VTI1A: variants seen among roughly 807,000 people sequenced by gnomAD.
The protein encoded by VTI1A is vesicle transport through interaction with t-SNAREs homolog 1A.
A neutral mutation model predicts 34.9 loss-of-function variants in VTI1A; 22 were observed. The observed-to-expected ratio is 0.63, with a 90% confidence interval of 0.45 to 0.90. The LOEUF (loss-of-function observed/expected upper bound fraction) is 0.90. Among genes scored for constraint, VTI1A ranks in the 40% least tolerant of loss-of-function variants. The probability of loss-of-function intolerance (pLI) is 0.00; values close to 1 mark genes in which losing one functional copy is unlikely to be tolerated. For synonymous variants in VTI1A, 87 were observed against 97.3 expected, an observed-to-expected ratio of 0.89 and a Z score of 0.62; for missense variants, 268 against 275.6, an observed-to-expected ratio of 0.97 and a Z score of 0.20.
intron 5 of VTI1A, among the ~76,000 whole-genome samples, chr10:112,555,291 A>T (rs1387326123): frequency 1.3e-5 from 2 of 152,146 alleles, no homozygotes; most frequent in Non-Finnish European, 2.9e-5. Context: ...GTGGGGAGAG[A>T]TTCCATATGT....
At chr10:112,723,231 G>T (rs1191216931) in intron 7 of VTI1A, among the ~76,000 whole-genome samples, 1 of 152,124 alleles carries the variant, frequency 6.6e-6, no homozygotes, top group Non-Finnish European at 1.5e-5. Flanking sequence ...GGTAGCAGTG[G>T]TGTCCTGCTA....
At chr10:112,608,326 G>C (rs148413147) in intron 5 of VTI1A, among the ~76,000 whole-genome samples, 3 of 152,156 alleles carry the variant, frequency 2.0e-5, no homozygotes, top group Non-Finnish European at 4.4e-5. Context: ...TTAAAACAGT[G>C]TATGCCTGAT....
intron 5 of VTI1A, among the ~76,000 whole-genome samples, chr10:112,594,328 A>G (rs1458036525): frequency 6.6e-6 from 1 of 152,124 alleles, no homozygotes; most frequent in East Asian, 1.9e-4. Flanking sequence ...GCTTTAGGAG[A>G]AGGAAATAAA....
intron 3 of VTI1A, among the ~76,000 whole-genome samples, chr10:112,500,211 C>T (rs766318366): frequency 1.3e-5 from 2 of 151,966 alleles, no homozygotes; most frequent in African/African-American, 4.8e-5. Context: ...CCAAGGTGGG[C>T]GGATCATGAG....
At chr10:112,738,869 A>T (rs1181358959) in intron 7 of VTI1A, among the ~76,000 whole-genome samples, 1 of 152,118 alleles carries the variant, frequency 6.6e-6, no homozygotes, top group African/African-American at 2.4e-5. Context: ...ATGCTTTATC[A>T]TCTGGTCCCT....
At chr10:112,450,738 T>C (rs1327948305) in intron 1 of VTI1A, 1 of 152,256 alleles carries the variant, frequency 6.6e-6, no homozygotes, top group Non-Finnish European at 1.5e-5. Context: ...TGTTTGAATC[T>C]TAACTAATTT....
At chr10:112,732,951 A>G (rs79178584) in intron 7 of VTI1A, among the ~76,000 whole-genome samples, 2,766 of 152,258 alleles carry the variant, frequency 0.018, 87 homozygotes, top group African/African-American at 0.063. Flanking sequence ...AAGAGAACAT[A>G]CCTCCAATTC....
At chr10:112,607,327 T>C (rs530313688) in intron 5 of VTI1A, among the ~76,000 whole-genome samples, 2 of 150,096 alleles carry the variant, frequency 1.3e-5, no homozygotes, top group African/African-American at 2.4e-5. Context: ...AGAGATTGAG[T>C]GGCTGTCCAA....
chr10:112,606,799 C>G (rs1845101619), intron 5 of VTI1A, among the ~76,000 whole-genome samples: 1 of 152,114 alleles, frequency 6.6e-6, no homozygotes, highest in African/African-American at 2.4e-5. Flanking sequence ...TAAATTTTGT[C>G]CTTTATGCTA....
At chr10:112,587,156 T>G (rs1844191616) in intron 5 of VTI1A, among the ~76,000 whole-genome samples, 1 of 152,188 alleles carries the variant, frequency 6.6e-6, no homozygotes, top group Non-Finnish European at 1.5e-5. Flanking sequence ...TTTAATTAAA[T>G]AAAATTTGTG....
intron 7 of VTI1A, among the ~76,000 whole-genome samples, chr10:112,740,140 G>A (rs906925104): frequency 3.9e-5 from 6 of 152,212 alleles, no homozygotes; most frequent in South Asian, 2.1e-4. Flanking sequence ...GCAAGCCTCC[G>A]AGCCATCATC....
chr10:112,635,014 G>A (rs781163369), intron 5 of VTI1A, among the ~76,000 whole-genome samples: 2 of 152,192 alleles, frequency 1.3e-5, no homozygotes, highest in African/African-American at 2.4e-5. Context: ...CATTAGAGGA[G>A]CTAATTCTAG....
chr10:112,590,868 A>G (rs560610615), intron 5 of VTI1A, among the ~76,000 whole-genome samples: 32 of 152,206 alleles, frequency 2.1e-4, no homozygotes, highest in African/African-American at 7.2e-4. Flanking sequence ...TGGAAGGCCA[A>G]GGCGGGCAGA....
intron 5 of VTI1A, among the ~76,000 whole-genome samples, chr10:112,597,759 G>A (rs1345895491): frequency 6.9e-6 from 1 of 143,984 alleles, no homozygotes; most frequent in Non-Finnish European, 1.5e-5. Flanking sequence ...GTGCAGTGGC[G>A]CGACCTCGGC....
rs1358514449 is a variant in VTI1A, at chr10:112,759,704, T to A, written c.561-55586T>A. 6.6e-5 allele frequency among the ~76,000 whole-genome samples: 10 copies of A among 152,108 alleles called. No individual in the cohort carries two copies. In the East Asian group the frequency reaches 1.9e-3, roughly 29 times the overall value. Reference sequence around the variant, plus strand: ...CGTTTTATTGGTTCAAGAAGCAGATTCAAAGGAACTGCATGCTTTTCTCCT... The same window carrying A: ...CGTTTTATTGGTTCAAGAAGCAGATACAAAGGAACTGCATGCTTTTCTCCT... On this transcript the variant is annotated intron_variant, in intron 7 of 7. Coordinates refer to ENST00000393077, the MANE Select transcript of VTI1A (RefSeq NM_145206.4).
the VTI1A span, among the ~76,000 whole-genome samples, chr10:112,847,496 G>T: frequency 6.6e-6 from 1 of 152,106 alleles, no homozygotes; most frequent in Non-Finnish European, 1.5e-5. Context: ...AGCAAGAATG[G>T]GAATCAAATT....
chr10:112,720,740 G>A (rs758894141), intron 7 of VTI1A, among the ~76,000 whole-genome samples: 5 of 152,250 alleles, frequency 3.3e-5, no homozygotes, highest in Non-Finnish European at 5.9e-5. Context: ...TTTGGTTAGC[G>A]ATACGGATAT....
At chr10:112,486,484 A>G (rs1848631067) in intron 3 of VTI1A, among the ~76,000 whole-genome samples, 1 of 152,128 alleles carries the variant, frequency 6.6e-6, no homozygotes, top group African/African-American at 2.4e-5. Context: ...CTTATGTGGT[A>G]CATCCTTGAT....
chr10:112,847,581 T>A, the VTI1A span, among the ~76,000 whole-genome samples: 2 of 152,232 alleles, frequency 1.3e-5, no homozygotes, highest in African/African-American at 4.8e-5. Context: ...TCACTCAACC[T>A]TTCCCTGTTT....
Sources: allele counts gnomAD v4.1 joint callset (sites outside exome capture counted in the v4.1 genomes callset), GRCh38; gene constraint gnomAD v4.1.1; transcripts MANE v1.5; gene names NCBI Gene and HGNC (gene_info 2026-07-23, HGNC 2026-07-21).